DOCK5: variants seen among roughly 807,000 people sequenced by gnomAD.
DOCK5 encodes the protein dedicator of cytokinesis 5, also known as dedicator of cytokinesis protein 5.
In DOCK5, 142 loss-of-function variants were observed where a neutral mutation model predicts 251.8. The ratio of observed to expected loss-of-function variants is 0.56; its 90% CI spans 0.49 to 0.65. The LOEUF (loss-of-function observed/expected upper bound fraction) is 0.65. DOCK5 is among the 30% of genes least tolerant of loss of function. The pLI is 0.00. For synonymous variants in DOCK5, 842 were observed against 835.5 expected, an observed-to-expected ratio of 1.01 and a Z score of -0.13; for missense variants, 2,111 against 2,312.3, an observed-to-expected ratio of 0.91 and a Z score of 1.79.
intron 25 of DOCK5, among the ~76,000 whole-genome samples, chr8:25,343,474 C>A (rs1800295617): frequency 6.6e-6 from 1 of 152,156 alleles, no homozygotes; most frequent in Non-Finnish European, 1.5e-5. Context: ...AGAGCAAAAT[C>A]ATGTGTTCCT....
intron 25 of DOCK5, among the ~76,000 whole-genome samples, chr8:25,344,218 A>G (rs1410151727): frequency 6.6e-6 from 1 of 152,194 alleles, no homozygotes. Context: ...AATACTTTTC[A>G]TTTTGTAAGT....
At chr8:25,254,500 G>A (rs1256394751) in intron 2 of DOCK5, among the ~76,000 whole-genome samples, 2 of 151,986 alleles carry the variant, frequency 1.3e-5, no homozygotes, top group African/African-American at 4.8e-5. Flanking sequence ...TTGAGGGTGG[G>A]CCCAGTGGCT....
At chr8:25,348,669 C>T (rs1404354437) in intron 26 of DOCK5, among the ~76,000 whole-genome samples, 1 of 152,082 alleles carries the variant, frequency 6.6e-6, no homozygotes, top group Admixed American at 6.6e-5. Flanking sequence ...AAAACCCCAT[C>T]TCTACTAAAA....
chr8:25,239,116 C>A (rs1802875968), intron 1 of DOCK5, among the ~76,000 whole-genome samples: 1 of 152,262 alleles, frequency 6.6e-6, no homozygotes, highest in South Asian at 2.1e-4. Context: ...AAGACAGGCC[C>A]TTGTTCTAGG....
chr8:25,329,868 C>G (rs1805643109), intron 18 of DOCK5, among the ~76,000 whole-genome samples: 1 of 152,166 alleles, frequency 6.6e-6, no homozygotes, highest in Admixed American at 6.6e-5. Flanking sequence ...ATGGATAAAC[C>G]TGTATAAATC....
intron 1 of DOCK5, among the ~76,000 whole-genome samples, chr8:25,218,449 A>G (rs527357667): frequency 6.6e-6 from 1 of 152,282 alleles, no homozygotes; most frequent in African/African-American, 2.4e-5. Flanking sequence ...GCTTGCCTCC[A>G]TAGTGCCTCT....
chr8:25,325,123 C>T (rs1805530023), intron 17 of DOCK5, among the ~76,000 whole-genome samples: 1 of 152,114 alleles, frequency 6.6e-6, no homozygotes, highest in Non-Finnish European at 1.5e-5. Context: ...TTTACTCTAA[C>T]AGAGACTAGG....
At chr8:25,236,899 A>G (rs1044170936) in intron 1 of DOCK5, among the ~76,000 whole-genome samples, 3 of 151,910 alleles carry the variant, frequency 2.0e-5, no homozygotes, top group African/African-American at 4.8e-5. Flanking sequence ...GCGCCTGGCC[A>G]TAGTCATCTT....
intron 38 of DOCK5, among the ~76,000 whole-genome samples, chr8:25,378,325 C>T (rs999039650): frequency 6.6e-6 from 1 of 152,116 alleles, no homozygotes; most frequent in Non-Finnish European, 1.5e-5. Context: ...GAAAATTCAC[C>T]GGAACTCAGG....
chr8:25,308,566 G>T (rs1168717135), intron 11 of DOCK5, among the ~76,000 whole-genome samples: 1 of 152,062 alleles, frequency 6.6e-6, no homozygotes, highest in Non-Finnish European at 1.5e-5. Context: ...GTGTACTCTT[G>T]GGTTTTTTTC....
At chr8:25,252,420 A>G (rs186763545) in intron 2 of DOCK5, among the ~76,000 whole-genome samples, 117 of 152,374 alleles carry the variant, frequency 7.7e-4, no homozygotes, top group South Asian at 2.5e-3. Context: ...TTGTAATTCA[A>G]AATCTATATA....
chr8:25,240,394 C>T (rs1221772034), intron 1 of DOCK5, among the ~76,000 whole-genome samples: 5 of 152,020 alleles, frequency 3.3e-5, no homozygotes, highest in East Asian at 1.9e-4. Context: ...TAAATATCAC[C>T]GCAACCCAGT....
At position 25,415,653 on chromosome 8, in the gene DOCK5, A is replaced by G. The variant is rs746230055; in HGVS notation, c.*4355A>G. 1.3e-5 allele frequency: 2 copies of G among 152,190 alleles called. No individual in the cohort carries two copies. The highest frequency in any genetic ancestry group is 4.1e-4 in the South Asian group (2 of 4,836). 9.4% of individuals were successfully genotyped at this position (152,190 alleles called of 1,614,324 possible). ...GGAAGATGTGCATTGAAGTAGGAAA[A>G]TTTTGTTCAGATTTGCTGTTATTTA... On this transcript the variant is annotated 3_prime_UTR_variant, in exon 52 of 52. Coordinates refer to ENST00000276440, the MANE Select transcript of DOCK5 (RefSeq NM_024940.8).
intron 1 of DOCK5, among the ~76,000 whole-genome samples, chr8:25,228,115 G>A (rs182635561): frequency 9.7e-4 from 147 of 152,292 alleles, no homozygotes; most frequent in African/African-American, 2.8e-3. Context: ...GGGCTCAAGC[G>A]ATCTGCCTGC....
chr8:25,304,444 C>T (rs914650100), intron 11 of DOCK5, 117 bp downstream of exon 11: 20 of 894,024 alleles, frequency 2.2e-5, no homozygotes, highest in Non-Finnish European at 3.0e-5. Flanking sequence ...AGATTCTAAG[C>T]TGCAAGATTG....
At chr8:25,220,201 G>A (rs1802348559) in intron 1 of DOCK5, among the ~76,000 whole-genome samples, 1 of 151,352 alleles carries the variant, frequency 6.6e-6, no homozygotes, top group Non-Finnish European at 1.5e-5. Context: ...TTTTCTTTGT[G>A]TGTGTGTGTG....
At chr8:25,194,683 G>GA (rs1801675265) in intron 1 of DOCK5, among the ~76,000 whole-genome samples, 1 of 152,104 alleles carries the variant, frequency 6.6e-6, no homozygotes, top group Non-Finnish European at 1.5e-5. Context: ...TTTCTTAACA[G>GA]GCAGTCCCTG....
chr8:25,221,871 A>C (rs1175800512), intron 1 of DOCK5, among the ~76,000 whole-genome samples: 1 of 152,138 alleles, frequency 6.6e-6, no homozygotes, highest in Non-Finnish European at 1.5e-5. Context: ...TGGAGCTGGG[A>C]CTTATATCCA....
Position 25,389,138 on chromosome 8 carries a change from C to G in DOCK5, c.4179C>G (p.Asp1393Glu). The G allele has an allele frequency of 6.2e-7, 1 of 1,613,988 alleles. No individual in the cohort carries two copies. Among genetic ancestry groups the G allele is most frequent in the Non-Finnish European group, 8.5e-7 (1 of 1,179,888 alleles). Residue 1393 changes from aspartate to glutamate, a missense_variant, in exon 41 of 52, where the codon GAC (aspartate) becomes GAG (glutamate). Physicochemically the swap from Asp to Glu is conservative, Grantham distance 45. This residue lies in a region of DOCK5 where 1,717 missense variants were observed against 1,892.4 expected (regional missense o/e 0.91). Transcript: ENST00000276440. ...GAAAGGAGTATGAGAGGCGAGAGGA[C>G]TTCAGCCTGAGGTTGTTAACCCAGT... ...YRGKEYERRE[D>E]FSLRLLTQFP...
Sources: gnomAD v4.1 joint callset for allele counts (sites outside exome capture counted in the v4.1 genomes callset) on GRCh38, gnomAD v4.1.1 for gene constraint, gnomAD v4.1.1 regional missense constraint, MANE v1.5 for transcripts, NCBI Gene and HGNC (gene_info 2026-07-23, HGNC 2026-07-21) for gene names.